Variants in MED27 observed in about 807,000 individuals in gnomAD.
MED27 encodes the protein mediator of RNA polymerase II transcription subunit 27.
A neutral mutation model predicts 38.2 loss-of-function variants in MED27; 30 were observed. The observed-to-expected ratio is 0.79, with a 90% confidence interval of 0.59 to 1.07. MED27 has a LOEUF of 1.07. MED27 is among the 50% of genes least tolerant of loss of function. The pLI is 0.00. For synonymous variants in MED27, 122 were observed against 153.5 expected (o/e 0.79, Z 1.52); for missense variants, 289 against 397.5 (o/e 0.73, Z 2.32).
intron 6 of MED27, among the ~76,000 whole-genome samples, chr9:131,869,767 AG>A (rs1838798046): frequency 2.0e-5 from 3 of 152,134 alleles, no homozygotes; most frequent in Non-Finnish European, 4.4e-5. Flanking sequence ...TTTCACTGGG[AG>A]GCGCCTGGTT....
intron 2 of MED27, among the ~76,000 whole-genome samples, chr9:132,075,918 A>G (rs1477312497): frequency 6.6e-6 from 1 of 152,084 alleles, no homozygotes; most frequent in African/African-American, 2.4e-5. Flanking sequence ...TCCCAACTCC[A>G]AGGAACCCCA....
intron 3 of MED27, among the ~76,000 whole-genome samples, chr9:131,968,331 G>A (rs1257848288): frequency 6.6e-6 from 1 of 151,934 alleles, no homozygotes; most frequent in Non-Finnish European, 1.5e-5. Context: ...AAAATTAGCT[G>A]GGCATGGTTT....
At chr9:131,947,067 C>T (rs934976014) in intron 3 of MED27, among the ~76,000 whole-genome samples, 2 of 152,252 alleles carry the variant, frequency 1.3e-5, no homozygotes, top group African/African-American at 2.4e-5. Flanking sequence ...CACCTTGTCA[C>T]AGTATCTGGC....
At chr9:132,033,767 T>C (rs1336579945) in intron 2 of MED27, among the ~76,000 whole-genome samples, 2 of 152,256 alleles carry the variant, frequency 1.3e-5, no homozygotes, top group African/African-American at 2.4e-5. Context: ...CTCCAGATTC[T>C]ATTTCGCATA....
At chr9:132,045,653 C>G (rs1833320526) in intron 2 of MED27, among the ~76,000 whole-genome samples, 1 of 152,162 alleles carries the variant, frequency 6.6e-6, no homozygotes, top group African/African-American at 2.4e-5. Context: ...GGAACTAACA[C>G]CATGGCAGCC....
chr9:132,024,780 A>C (rs1832783177), intron 2 of MED27, among the ~76,000 whole-genome samples: 1 of 152,200 alleles, frequency 6.6e-6, no homozygotes, highest in Non-Finnish European at 1.5e-5. Context: ...AATCCCGAGG[A>C]TTAGTTGGAC....
chr9:132,033,276 G>A (rs1833002795), intron 2 of MED27, among the ~76,000 whole-genome samples: 1 of 152,082 alleles, frequency 6.6e-6, no homozygotes, highest in Non-Finnish European at 1.5e-5. Flanking sequence ...TATAAATCAC[G>A]AAGCTTCCTG....
chr9:132,063,463 G>A (rs890395872), intron 2 of MED27, among the ~76,000 whole-genome samples: 2 of 152,284 alleles, frequency 1.3e-5, no homozygotes, highest in Admixed American at 6.5e-5. Flanking sequence ...CAAGTACAAC[G>A]TTTTGGCCGA....
chr9:131,959,440 T>C (rs2130995896), intron 3 of MED27, among the ~76,000 whole-genome samples: 1 of 152,306 alleles, frequency 6.6e-6, no homozygotes, highest in South Asian at 2.1e-4. Context: ...ACCCAAAGCA[T>C]ATAGGGCAGT....
intron 2 of MED27, among the ~76,000 whole-genome samples, chr9:132,033,850 G>C (rs1250781669): frequency 6.6e-6 from 1 of 152,088 alleles, no homozygotes; most frequent in African/African-American, 2.4e-5. Context: ...TTCATAACTT[G>C]GTTATTAAAA....
chr9:131,869,404 A>C, intron 6 of MED27: 1 of 984,686 alleles, frequency 1.0e-6, no homozygotes, highest in Non-Finnish European at 1.2e-6. Flanking sequence ...AAAAAAAAAA[A>C]AAATCTGCTA....
intron 2 of MED27, chr9:132,073,638 T>A: frequency 6.9e-7 from 1 of 1,454,292 alleles, no homozygotes; most frequent in Non-Finnish European, 9.0e-7. Context: ...AGTAACTTAG[T>A]CATTAAGCAA....
intron 6 of MED27, among the ~76,000 whole-genome samples, chr9:131,879,843 A>G (rs1481038824): frequency 6.6e-6 from 1 of 152,236 alleles, no homozygotes; most frequent in Non-Finnish European, 1.5e-5. Context: ...ATGACACCCC[A>G]TATATAAGTG....
chr9:132,050,371 G>A (rs946770541), intron 2 of MED27, among the ~76,000 whole-genome samples: 2 of 152,218 alleles, frequency 1.3e-5, no homozygotes, highest in African/African-American at 4.8e-5. Context: ...CCAGGTGCCG[G>A]GCTAAGGAGG....
intron 2 of MED27, among the ~76,000 whole-genome samples, chr9:132,044,974 G>A (rs1043351754): frequency 3.9e-5 from 6 of 151,918 alleles, no homozygotes; most frequent in Non-Finnish European, 8.8e-5. Flanking sequence ...GAGAAATATG[G>A]GAGGAAAAAC....
chr9:131,938,196 C>T (rs1469571030), intron 4 of MED27, among the ~76,000 whole-genome samples: 1 of 152,120 alleles, frequency 6.6e-6, no homozygotes, highest in Non-Finnish European at 1.5e-5. Flanking sequence ...AACAGTAACT[C>T]ATCCTGGGTG....
At chr9:132,071,956 T>C (rs1275493218) in intron 2 of MED27, among the ~76,000 whole-genome samples, 1 of 150,802 alleles carries the variant, frequency 6.6e-6, no homozygotes, top group South Asian at 2.1e-4. Flanking sequence ...ATGAGTAACA[T>C]GCAATCCATG....
intron 3 of MED27, among the ~76,000 whole-genome samples, chr9:131,947,077 C>T (rs1474264809): frequency 6.6e-6 from 1 of 152,180 alleles, no homozygotes; most frequent in Non-Finnish European, 1.5e-5. Flanking sequence ...CAGTATCTGG[C>T]ACCCGCTAAG....
chr9:132,072,014 G>A (rs543729088), intron 2 of MED27, among the ~76,000 whole-genome samples: 2 of 149,604 alleles, frequency 1.3e-5, no homozygotes, highest in Admixed American at 6.6e-5. Flanking sequence ...GAGCACACAC[G>A]TGTATGCGCA....
Sources: gnomAD v4.1 joint callset for allele counts (sites outside exome capture counted in the v4.1 genomes callset) on GRCh38, gnomAD v4.1.1 for gene constraint, MANE v1.5 for transcripts, NCBI Gene and HGNC (gene_info 2026-07-23, HGNC 2026-07-21) for gene names.